The following DIAPH3 variants were observed in gnomAD, a reference collection of about 807,000 sequenced individuals.
The protein encoded by DIAPH3 is diaphanous related formin 3.
A neutral mutation model predicts 144.3 loss-of-function variants in DIAPH3; 117 were observed. The ratio of observed to expected loss-of-function variants is 0.81; its 90% CI spans 0.70 to 0.95. DIAPH3 has a LOEUF of 0.95. Ranked by LOEUF, DIAPH3 falls within the 40% of genes least tolerant of loss-of-function variation. DIAPH3 has a pLI of 0.00. For synonymous variants in DIAPH3, 519 were observed against 488.9 expected, an observed-to-expected ratio of 1.06 and a Z score of -0.81; for missense variants, 1,421 against 1,412.7, an observed-to-expected ratio of 1.01 and a Z score of -0.09.
chr13:60,003,882 T>G (rs2052689526), intron 9 of DIAPH3, among the ~76,000 whole-genome samples: 1 of 152,100 alleles, frequency 6.6e-6, no homozygotes, highest in Non-Finnish European at 1.5e-5. Context: ...GCACGGCCCC[T>G]GATAATATTC....
intron 4 of DIAPH3, among the ~76,000 whole-genome samples, chr13:60,078,492 G>C (rs145044871): frequency 7.2e-5 from 11 of 152,142 alleles, no homozygotes; most frequent in Non-Finnish European, 1.2e-4. Flanking sequence ...ATCCCTGAGG[G>C]AATATGGTTA....
chr13:59,925,713 T>G (rs1200189181), intron 17 of DIAPH3, among the ~76,000 whole-genome samples: 1 of 152,148 alleles, frequency 6.6e-6, no homozygotes, highest in African/African-American at 2.4e-5. Flanking sequence ...TCCTTACTCA[T>G]TATTGGTCTG....
At chr13:59,872,203 C>T (rs1351360882) in intron 21 of DIAPH3, among the ~76,000 whole-genome samples, 1 of 152,146 alleles carries the variant, frequency 6.6e-6, no homozygotes, top group Non-Finnish European at 1.5e-5. Context: ...AATATAGGCA[C>T]TTGATGCTAT....
At chr13:59,828,425 A>G (rs1189911618) in intron 24 of DIAPH3, among the ~76,000 whole-genome samples, 4 of 151,898 alleles carry the variant, frequency 2.6e-5, no homozygotes, top group Non-Finnish European at 1.5e-5. Flanking sequence ...TCTCTCTAGT[A>G]AGTTATCAAA....
intron 3 of DIAPH3, among the ~76,000 whole-genome samples, chr13:60,096,531 G>A (rs992744660): frequency 2.0e-5 from 3 of 152,184 alleles, no homozygotes; most frequent in Admixed American, 6.5e-5. Flanking sequence ...CCACATAGCT[G>A]GTAAAGCATT....
At chr13:59,920,802 T>A (rs1226702577) in intron 18 of DIAPH3, among the ~76,000 whole-genome samples, 1 of 151,794 alleles carries the variant, frequency 6.6e-6, no homozygotes, top group East Asian at 1.9e-4. Context: ...TTCTCTCAAC[T>A]GCACATGGAA....
At chr13:59,733,962 AC>A (rs1363160769) in intron 27 of DIAPH3, among the ~76,000 whole-genome samples, 6 of 152,162 alleles carry the variant, frequency 3.9e-5, no homozygotes, top group African/African-American at 1.4e-4. Context: ...ACATATACAC[AC>A]CCTACGCATT....
At chr13:60,037,033 C>G (rs1049367040) in intron 5 of DIAPH3, among the ~76,000 whole-genome samples, 4 of 9,678 alleles carry the variant, frequency 4.1e-4, no homozygotes, top group African/African-American at 2.4e-3. Flanking sequence ...CTCTACAACA[C>G]CTTAAGCATA....
intron 24 of DIAPH3, among the ~76,000 whole-genome samples, chr13:59,816,504 T>C (rs1377496575): frequency 6.6e-6 from 1 of 151,618 alleles, no homozygotes; most frequent in Non-Finnish European, 1.5e-5. Flanking sequence ...ATATCCTCAA[T>C]ATTATTTATC....
chr13:59,857,954 G>A (rs75224445), intron 22 of DIAPH3, among the ~76,000 whole-genome samples: 2,340 of 152,176 alleles, frequency 0.015, 79 homozygotes, highest in African/African-American at 0.054. Flanking sequence ...ATTTTTTCAA[G>A]TAAACAAAAT....
intron 18 of DIAPH3, among the ~76,000 whole-genome samples, chr13:59,920,918 T>G (rs552342673): frequency 1.3e-5 from 2 of 151,822 alleles, no homozygotes; most frequent in African/African-American, 4.8e-5. Context: ...GGAATAAAAC[T>G]AGAAATCAGT....
At chr13:59,713,596 G>A (rs1163852451) in intron 27 of DIAPH3, among the ~76,000 whole-genome samples, 1 of 152,132 alleles carries the variant, frequency 6.6e-6, no homozygotes, top group Non-Finnish European at 1.5e-5. Flanking sequence ...GCAGCAGTGT[G>A]GGGGACTAAA....
rs150252181 is a variant in DIAPH3 at position 59,999,406 on chromosome 13, T to G, written c.1015-6823A>C. On this transcript the variant is annotated intron_variant, in intron 9 of 27. Coordinates refer to ENST00000400324, the MANE Select transcript of DIAPH3 (RefSeq NM_001042517.2). ...AACTTTCAAAGATCTATCTTCTAAT[T>G]AAACTTAATGAAATCCACAGATTGA... Among the ~76,000 whole-genome samples the G allele has an allele frequency of 5.9e-5, 9 of 152,296 alleles. No homozygotes were observed. The East Asian group carries it at 1.5e-3, about 26-fold the overall frequency.
intron 27 of DIAPH3, among the ~76,000 whole-genome samples, chr13:59,748,910 C>G (rs890539658): frequency 6.6e-6 from 1 of 152,058 alleles, no homozygotes; most frequent in African/African-American, 2.4e-5. Flanking sequence ...GCTGAGCACA[C>G]AGTGTTTCAA....
At chr13:59,896,258 G>A (rs2046089545) in intron 20 of DIAPH3, among the ~76,000 whole-genome samples, 1 of 152,116 alleles carries the variant, frequency 6.6e-6, no homozygotes, top group Admixed American at 6.5e-5. Context: ...CATACTTTGT[G>A]AACTGTAAGT....
At chr13:60,073,252 T>G (rs2057274599) in intron 4 of DIAPH3, among the ~76,000 whole-genome samples, 1 of 150,852 alleles carries the variant, frequency 6.6e-6, no homozygotes, top group Non-Finnish European at 1.5e-5. Flanking sequence ...GAGGTTGCAG[T>G]GAGCCGAGGC....
At chr13:59,995,574 C>T (rs1488332777) in intron 9 of DIAPH3, among the ~76,000 whole-genome samples, 1 of 151,830 alleles carries the variant, frequency 6.6e-6, no homozygotes, top group Non-Finnish European at 1.5e-5. Flanking sequence ...TGGTGCTAGA[C>T]ATACAGCTGT....
chr13:59,716,268 C>T (rs369669421), intron 27 of DIAPH3, among the ~76,000 whole-genome samples: 4 of 152,138 alleles, frequency 2.6e-5, no homozygotes, highest in East Asian at 1.9e-4. Context: ...CTCCGCCTCC[C>T]GGGTTCACGC....
At chr13:59,893,917 C>T (rs766667792) in intron 20 of DIAPH3, among the ~76,000 whole-genome samples, 4 of 152,080 alleles carry the variant, frequency 2.6e-5, no homozygotes, top group Non-Finnish European at 5.9e-5. Context: ...CCATTAAGAA[C>T]GACAGCTTGC....
Sources: gnomAD v4.1 joint callset for allele counts (sites outside exome capture counted in the v4.1 genomes callset) on GRCh38, gnomAD v4.1.1 for gene constraint, MANE v1.5 for transcripts, NCBI Gene and HGNC (gene_info 2026-07-23, HGNC 2026-07-21) for gene names.